MGAT5B: variants seen among roughly 807,000 people sequenced by gnomAD.
MGAT5B encodes the protein N-acetylglucosaminyl-transferase Vb.
MGAT5B carries 54 observed loss-of-function variants against 95.1 expected under a neutral mutation model. The observed-to-expected ratio is 0.57, with a 90% CI of 0.46 to 0.71. The LOEUF (loss-of-function observed/expected upper bound fraction) is 0.71, where lower values mean the gene tolerates loss of function less well. Among genes scored for constraint, MGAT5B ranks in the 30% least tolerant of loss-of-function variants. MGAT5B has a pLI of 0.00. For synonymous variants in MGAT5B, 464 were observed against 451.0 expected (o/e 1.03, Z -0.36); for missense variants, 935 against 1,088.6 (o/e 0.86, Z 1.99).
Position 76,904,347 on chromosome 17 carries a change from G to C in MGAT5B, c.615G>C (p.Glu205Asp). The change falls in exon 6 of 18, where the codon GAG (glutamate) becomes GAC (aspartate). Residue 205 changes from glutamate to aspartate, a missense_variant. This residue lies in a region of MGAT5B where 243 missense variants were observed against 305.5 expected (regional missense o/e 0.80). Coordinates refer to ENST00000569840, the MANE Select transcript of MGAT5B (RefSeq NM_001199172.2). The part of the protein sequence containing the change: ...CSFLIYLSEV[E>D]WFCPPLPWRN... ...TCCTCATCTACCTCAGTGAGGTCGA[G>C]TGGTTCTGCCCCCCGCTGCCCTGGA... 1 of 1,598,138 alleles carries C rather than the reference G, an allele frequency of 6.3e-7. No individual in the cohort carries two copies. Among genetic ancestry groups the C allele is most frequent in the Non-Finnish European group, 8.5e-7 (1 of 1,172,620 alleles).
rs1380941728 is a variant in MGAT5B at position 76,868,481 on chromosome 17, G to C, written c.-549G>C. On this transcript the variant is annotated 5_prime_UTR_variant, in exon 1 of 18. Coordinates refer to ENST00000569840, the MANE Select transcript of MGAT5B (RefSeq NM_001199172.2). This position sits in a 1 kb window ranked among gnomAD's most constrained non-coding sequence, Gnocchi z 6.3. ...GCGGGGCCGGACGCCGGACACCAGA[G>C]CGCGGGCGGCGGAGCCAGCGGGCGA... is the stretch of plus-strand genomic sequence containing the variant. 2 of 150,274 alleles carry C rather than the reference G, an allele frequency of 1.3e-5. No individual in the cohort carries two copies. Among genetic ancestry groups the C allele is most frequent in the Non-Finnish European group, 3.0e-5 (2 of 67,314 alleles). 9.3% of individuals were successfully genotyped at this position (150,274 alleles called of 1,614,324 possible).
intron 12 of MGAT5B, among the ~76,000 whole-genome samples, chr17:76,937,176 T>C (rs114736627): frequency 2.4e-3 from 371 of 152,288 alleles, no homozygotes; most frequent in African/African-American, 8.4e-3. Flanking sequence ...TAAGACAAAA[T>C]GGATTCAGCC....
At chr17:76,908,884 G>A (rs1010957933) in intron 8 of MGAT5B, among the ~76,000 whole-genome samples, 1 of 149,980 alleles carries the variant, frequency 6.7e-6, no homozygotes, top group African/African-American at 2.5e-5. Flanking sequence ...TCGGCTCACT[G>A]CAACCTCTGC....
chr17:76,928,054 A>G (rs546208891), intron 10 of MGAT5B, among the ~76,000 whole-genome samples: 1 of 152,208 alleles, frequency 6.6e-6, no homozygotes, highest in African/African-American at 2.4e-5. Flanking sequence ...GTGATTTTTG[A>G]ATAAATAAGT....
At chr17:76,932,591 G>A in intron 10 of MGAT5B, 54 bp from the exon 11 acceptor site, 1 of 1,608,362 alleles carries the variant, frequency 6.2e-7, no homozygotes, top group South Asian at 1.1e-5. Flanking sequence ...GGGAGGCCTG[G>A]GGCTGCCCTT....
At chr17:76,898,487 C>T (rs1352669265) in intron 3 of MGAT5B, among the ~76,000 whole-genome samples, 1 of 151,944 alleles carries the variant, frequency 6.6e-6, no homozygotes, top group Non-Finnish European at 1.5e-5. Context: ...CACCACCACA[C>T]CCGGCTAATT....
Position 76,905,365 on chromosome 17 carries a change from G to A in MGAT5B, c.855+32G>A, listed in dbSNP as rs375692227. 27 of 1,538,928 alleles carry A rather than the reference G, an allele frequency of 1.8e-5. No homozygotes were observed. Among genetic ancestry groups the A allele is most frequent in the Admixed American group, 2.0e-5 (1 of 49,350 alleles). On this transcript the variant is annotated intron_variant, in intron 7 of 17. Transcript: ENST00000569840. This position sits in a 1 kb window ranked among gnomAD's most constrained non-coding sequence, Gnocchi z 4.2. ...GGCCCCTGCCCCCTCATGTGCAGGA[G>A]CTGAGAAAGCTCAGGGCCCCCACTT... is the stretch of plus-strand genomic sequence containing the variant.
In MGAT5B at chr17:76,914,745, C is replaced by A. The variant is rs553674555; in HGVS notation, c.1025+8558C>A. On this transcript the variant is annotated intron_variant, in intron 8 of 17. Transcript: ENST00000569840. This position sits in a 1 kb window ranked among gnomAD's most constrained non-coding sequence, Gnocchi z 5.1. ...CCTCCACCTCCGGGTTCAAGTGATT[C>A]TCCTGCCTCAGCCTCCCGAGTAGCT... Among the ~76,000 whole-genome samples, 2 of 152,018 alleles carry A rather than the reference C, an allele frequency of 1.3e-5. No individual in the cohort carries two copies. The highest frequency in any genetic ancestry group is 2.4e-5 in the African/African-American group (1 of 41,312).
rs369169563 is a variant in MGAT5B at position 76,904,312 on chromosome 17, G to A, written c.580G>A (p.Glu194Lys). The A allele has an allele frequency of 4.3e-6, 7 of 1,609,676 alleles. No homozygotes were observed. Among genetic ancestry groups the A allele is most frequent in the South Asian group, 1.1e-5 (1 of 89,888 alleles). Residue 194 changes from glutamate to lysine, a missense_variant, in exon 6 of 18, where the codon GAG becomes AAG. Physicochemically the swap from Glu to Lys is moderately conservative, Grantham distance 56. This residue lies in a region of MGAT5B where 243 missense variants were observed against 305.5 expected (regional missense o/e 0.80). Coordinates refer to ENST00000569840, the MANE Select transcript of MGAT5B (RefSeq NM_001199172.2). ...CYAFFGVDGT[E>K]CSFLIYLSEV... is the part of the protein sequence containing the mutation. ...CGCCTTCTTTGGGGTGGACGGCACCGAGTGCTCCTTCCTCATCTACCTCAG... is the reference window on the plus strand; with the variant it reads ...CGCCTTCTTTGGGGTGGACGGCACCAAGTGCTCCTTCCTCATCTACCTCAG...
chr17:76,870,081 C>T lies in MGAT5B; in HGVS notation c.68+984C>T, dbSNP rs907253659. ...TCGGGACGTGGCCACAGGTGGGCTCCGGGCGCGGGAAGGAGCCCGAGAAGG... is the reference window on the plus strand; with the variant it reads ...TCGGGACGTGGCCACAGGTGGGCTCTGGGCGCGGGAAGGAGCCCGAGAAGG... On this transcript the variant is annotated intron_variant, in intron 1 of 17. Transcript: ENST00000569840. The surrounding 1 kb of genome is among the most constrained non-coding windows in gnomAD (Gnocchi z 5.0). Among the ~76,000 whole-genome samples, 1 of 152,174 alleles carries T rather than the reference C, an allele frequency of 6.6e-6. No homozygotes were observed. Among genetic ancestry groups the T allele is most frequent in the African/African-American group, 2.4e-5 (1 of 41,458 alleles).
At chr17:76,883,506 T>G (rs1967508654) in intron 3 of MGAT5B, among the ~76,000 whole-genome samples, 1 of 152,162 alleles carries the variant, frequency 6.6e-6, no homozygotes, top group Non-Finnish European at 1.5e-5. Flanking sequence ...ATCCAAATCA[T>G]GTGTCCTAGG....
At position 76,940,497 on chromosome 17, in the gene MGAT5B, C is replaced by A. The variant is rs1169081199; in HGVS notation, c.1680C>A (p.Pro560=). Residue 560 remains proline (P), a synonymous_variant, in exon 14 of 18, where the codon CCC becomes CCA. Coordinates refer to ENST00000569840, the MANE Select transcript of MGAT5B (RefSeq NM_001199172.2). This position sits in a 1 kb window ranked among gnomAD's most constrained non-coding sequence, Gnocchi z 4.3. ...TCCTGCAGTCCCGCTTCAGCCCGCC[C>A]CACAGCTCCCTCAACCACGAGTTCT... ...CIFLQSRFSP[P]HSSLNHEFFR... 1.2e-6 allele frequency: 2 copies of A among 1,613,930 alleles called. No individual in the cohort carries two copies.
intron 1 of MGAT5B, chr17:76,872,623 T>C (rs1026100102): frequency 3.4e-5 from 50 of 1,450,974 alleles, no homozygotes; most frequent in Middle Eastern, 1.8e-4. Context: ...TCATTCTGCC[T>C]TGTGGTTTCT....
At chr17:76,946,503 G>T (rs760954130) in intron 16 of MGAT5B, 53 bp downstream of exon 16, 7 of 1,453,502 alleles carry the variant, frequency 4.8e-6, no homozygotes, top group Non-Finnish European at 6.5e-6. Flanking sequence ...AGAGGAGGGG[G>T]CTGAGCCAGC....
At chr17:76,948,165 G>A in intron 17 of MGAT5B, 79 bp downstream of exon 17, 2 of 1,497,090 alleles carry the variant, frequency 1.3e-6, no homozygotes, top group Middle Eastern at 1.9e-4. Flanking sequence ...CTCATGCCCA[G>A]AACCGGCCCT....
chr17:76,921,448 G>A (rs1339444689), intron 8 of MGAT5B, among the ~76,000 whole-genome samples: 1 of 152,098 alleles, frequency 6.6e-6, no homozygotes, highest in Non-Finnish European at 1.5e-5. Flanking sequence ...CTCAGCAGGG[G>A]GCCCCTTTTC....
intron 15 of MGAT5B, among the ~76,000 whole-genome samples, chr17:76,945,449 C>T (rs1445687322): frequency 6.6e-6 from 1 of 152,166 alleles, no homozygotes; most frequent in Non-Finnish European, 1.5e-5. Flanking sequence ...GCCACCACGC[C>T]TAGCTAATTT....
intron 12 of MGAT5B, among the ~76,000 whole-genome samples, chr17:76,936,402 T>C (rs1393614525): frequency 2.6e-5 from 4 of 152,154 alleles, no homozygotes; most frequent in Admixed American, 2.0e-4. Context: ...AGGGAGACTC[T>C]GTCCCAAAAA....
At position 76,879,992 on chromosome 17, in the gene MGAT5B, C is replaced by T. The variant is rs114834591; in HGVS notation, c.182-2159C>T. The stretch of plus-strand genomic sequence containing the variant: ...AGAGACCTGAGTTAGTGTCATCTAA[C>T]GCTAGTATGAAATTTCCCGGTCCCA... On this transcript the variant is annotated intron_variant, in intron 2 of 17. Transcript: ENST00000569840. Among the ~76,000 whole-genome samples, 1,258 of 152,244 alleles carry T rather than the reference C, an allele frequency of 8.3e-3. 10 individuals carry two copies. The highest frequency in any genetic ancestry group is 0.037 in the East Asian group (192 of 5,182).
Sources: gnomAD v4.1 joint callset for allele counts (sites outside exome capture counted in the v4.1 genomes callset) on GRCh38, gnomAD v4.1.1 for gene constraint, gnomAD v4.1.1 regional missense constraint, Gnocchi (gnomAD v3.1) non-coding constraint, MANE v1.5 for transcripts, NCBI Gene and HGNC (gene_info 2026-07-23, HGNC 2026-07-21) for gene names.